Variants in ZDHHC20 observed in about 807,000 individuals in gnomAD.
ZDHHC20 encodes the protein zDHHC palmitoyltransferase 20.
In ZDHHC20, 43 loss-of-function variants were observed where a neutral mutation model predicts 57.8. The observed-to-expected ratio is 0.74, with a 90% CI of 0.58 to 0.96. The LOEUF is 0.96. Among genes scored for constraint, ZDHHC20 ranks in the 40% least tolerant of loss-of-function variants. The probability of loss-of-function intolerance (pLI) is 0.00; values close to 1 mark genes in which losing one functional copy is unlikely to be tolerated. For synonymous variants in ZDHHC20, 157 were observed against 153.0 expected (o/e 1.03, Z -0.19); for missense variants, 391 against 441.1 (o/e 0.89, Z 1.02).
At chr13:21,446,033 C>G (rs1029188307) in intron 1 of ZDHHC20, among the ~76,000 whole-genome samples, 2 of 152,162 alleles carry the variant, frequency 1.3e-5, no homozygotes, top group Non-Finnish European at 2.9e-5. Context: ...GAAAGGTGGC[C>G]TGTTGGCTGA....
At chr13:21,383,275 T>G (rs1873764794) in intron 9 of ZDHHC20, among the ~76,000 whole-genome samples, 1 of 150,812 alleles carries the variant, frequency 6.6e-6, no homozygotes, top group Non-Finnish European at 1.5e-5. Context: ...TGAGGGAGGG[T>G]TTTTCCTGTG....
At chr13:21,434,668 T>A (rs76195407) in intron 1 of ZDHHC20, among the ~76,000 whole-genome samples, 5,241 of 152,278 alleles carry the variant, frequency 0.034, 279 homozygotes, top group African/African-American at 0.11. Context: ...ATTACCACCA[T>A]CTTCCCTAAA....
chr13:21,456,763 T>C (rs186034141), intron 1 of ZDHHC20, among the ~76,000 whole-genome samples: 10 of 152,334 alleles, frequency 6.6e-5, no homozygotes, highest in Admixed American at 4.6e-4. Flanking sequence ...GCCATAGTTA[T>C]AGAATGTTTT....
chr13:21,445,696 A>G (rs2138029090), intron 1 of ZDHHC20, among the ~76,000 whole-genome samples: 1 of 152,336 alleles, frequency 6.6e-6, no homozygotes, highest in East Asian at 1.9e-4. Context: ...TCACTCATTC[A>G]ACAAATATCT....
At chr13:21,405,586 C>T (rs921912395) in intron 4 of ZDHHC20, among the ~76,000 whole-genome samples, 2 of 152,130 alleles carry the variant, frequency 1.3e-5, no homozygotes, top group Non-Finnish European at 2.9e-5. Context: ...GCTTTTAGTG[C>T]ACCTGTTTTC....
chr13:21,387,601 G>C lies in ZDHHC20; in HGVS notation c.761C>G (p.Pro254Arg). The C allele has an allele frequency of 6.7e-7, 1 of 1,500,236 alleles. No individual in the cohort carries two copies. 92.9% of individuals were successfully genotyped at this position (1,500,236 alleles called of 1,614,324 possible). The change falls in exon 9 of 13, where the codon CCT becomes CGT. Residue 254 changes from proline to arginine, a missense_variant. Physicochemically the swap from Pro to Arg is moderately radical, Grantham distance 103. This residue lies in a region of ZDHHC20 where 197 missense variants were observed against 220.8 expected (regional missense o/e 0.89). Coordinates refer to ENST00000400590, the MANE Select transcript of ZDHHC20 (RefSeq NM_001330059.2). ...TCCAAGAGAGAAACCATTTCCATCA[G>C]GTCCGTATGAAAACGTGGGTGCGCG... ...SFRAPTFSYG[P>R]DGNGFSLGCS...
rs1292708116 is a variant in ZDHHC20, at chr13:21,374,110, A to G, written c.*2586T>C. On this transcript the variant is annotated 3_prime_UTR_variant, in exon 13 of 13. Coordinates refer to ENST00000400590, the MANE Select transcript of ZDHHC20 (RefSeq NM_001330059.2). Reference sequence around the variant, plus strand: ...CATGCAAATCTTTTTATCTGAATGTAGAAATGCAAAAAGTACCAGGAGAAC... The same window carrying G: ...CATGCAAATCTTTTTATCTGAATGTGGAAATGCAAAAAGTACCAGGAGAAC... The G allele has an allele frequency of 6.2e-6, 1 of 160,912 alleles. No homozygotes were observed. Among genetic ancestry groups the G allele is most frequent in the Non-Finnish European group, 1.4e-5 (1 of 72,772 alleles). The allele number at this position is 160,912 out of a possible 1,614,324, so 10.0% of individuals were successfully genotyped here.
intron 2 of ZDHHC20, among the ~76,000 whole-genome samples, chr13:21,423,228 G>A (rs1880839953): frequency 6.6e-6 from 1 of 152,190 alleles, no homozygotes; most frequent in South Asian, 2.1e-4. Flanking sequence ...AGATAAAATC[G>A]TAACCCTAAC....
At chr13:21,378,950 G>A (rs987832346) in intron 11 of ZDHHC20, among the ~76,000 whole-genome samples, 1 of 152,120 alleles carries the variant, frequency 6.6e-6, no homozygotes, top group African/African-American at 2.4e-5. Flanking sequence ...TTATCTTGTG[G>A]AAATACCTAT....
intron 4 of ZDHHC20, among the ~76,000 whole-genome samples, chr13:21,410,418 C>T (rs1037753474): frequency 6.6e-6 from 1 of 152,222 alleles, no homozygotes; most frequent in Non-Finnish European, 1.5e-5. Context: ...TCTTCAGAGC[C>T]AGCAGACAGG....
At chr13:21,449,567 A>G (rs1443143718) in intron 1 of ZDHHC20, among the ~76,000 whole-genome samples, 1 of 152,254 alleles carries the variant, frequency 6.6e-6, no homozygotes, top group Non-Finnish European at 1.5e-5. Flanking sequence ...CAAAGCAAGT[A>G]CAAGGCCAGC....
At chr13:21,402,203 A>C (rs1328109145) in intron 5 of ZDHHC20, among the ~76,000 whole-genome samples, 3 of 152,166 alleles carry the variant, frequency 2.0e-5, no homozygotes, top group Non-Finnish European at 4.4e-5. Flanking sequence ...TAAAAACAAA[A>C]GTTTAGGAGG....
At position 21,374,640 on chromosome 13, in the gene ZDHHC20, T is replaced by C. The variant is rs911674435; in HGVS notation, c.*2056A>G. 3 of 236,656 alleles carry C rather than the reference T, an allele frequency of 1.3e-5. No individual in the cohort carries two copies. The highest frequency in any genetic ancestry group is 2.6e-5 in the Non-Finnish European group (3 of 114,576). The allele number at this position is 236,656 out of a possible 1,614,324, so 14.7% of individuals were successfully genotyped here. Reference sequence around the variant, plus strand: ...ATACTATAATATCCCAAATTATGTTTTCAAAGCTAACTCATTCCTTTGGTT... The same window carrying C: ...ATACTATAATATCCCAAATTATGTTCTCAAAGCTAACTCATTCCTTTGGTT... On this transcript the variant is annotated 3_prime_UTR_variant, in exon 13 of 13. Coordinates refer to ENST00000400590, the MANE Select transcript of ZDHHC20 (RefSeq NM_001330059.2).
At chr13:21,438,219 T>C (rs1882755966) in intron 1 of ZDHHC20, among the ~76,000 whole-genome samples, 1 of 152,216 alleles carries the variant, frequency 6.6e-6, no homozygotes, top group African/African-American at 2.4e-5. Flanking sequence ...AGAAATACAT[T>C]TCATAAGGCT....
chr13:21,427,395 T>C (rs762579999), intron 1 of ZDHHC20, among the ~76,000 whole-genome samples: 14 of 152,166 alleles, frequency 9.2e-5, no homozygotes, highest in East Asian at 5.8e-4. Context: ...CTGGTAAGGA[T>C]GAAAACTTGA....
chr13:21,458,976 G>T, intron 1 of ZDHHC20, 78 bp downstream of exon 1: 1 of 1,080,734 alleles, frequency 9.3e-7, no homozygotes, highest in Non-Finnish European at 1.3e-6. Flanking sequence ...GAAAGGCGGC[G>T]GGTGTGGGGC....
intron 1 of ZDHHC20, among the ~76,000 whole-genome samples, chr13:21,451,782 G>A (rs768102259): frequency 1.3e-5 from 2 of 152,132 alleles, no homozygotes; most frequent in East Asian, 3.9e-4. Context: ...CTGAGGTCAG[G>A]AGTTCAAGAC....
intron 1 of ZDHHC20, among the ~76,000 whole-genome samples, chr13:21,431,868 G>C (rs897808372): frequency 6.6e-6 from 1 of 152,130 alleles, no homozygotes; most frequent in Non-Finnish European, 1.5e-5. Context: ...TGATATGTGT[G>C]TGCCAATATT....
intron 1 of ZDHHC20, among the ~76,000 whole-genome samples, chr13:21,451,786 T>TC (rs982229402): frequency 3.3e-5 from 5 of 152,006 alleles, no homozygotes; most frequent in African/African-American, 1.2e-4. Flanking sequence ...GGTCAGGAGT[T>TC]CAAGACTAGC....
Sources: allele counts gnomAD v4.1 joint callset (sites outside exome capture counted in the v4.1 genomes callset), GRCh38; gene constraint gnomAD v4.1.1; regional missense constraint gnomAD v4.1.1; transcripts MANE v1.5; gene names NCBI Gene and HGNC (gene_info 2026-07-23, HGNC 2026-07-21).